The following ERICH1 variants were observed in gnomAD, a reference collection of about 807,000 sequenced individuals.
ERICH1 encodes the protein glutamate rich 1.
ERICH1 carries 56 observed loss-of-function variants against 39.6 expected under a neutral mutation model. The ratio of observed to expected loss-of-function variants is 1.41; its 90% CI spans 1.14 to 1.77. ERICH1 has a LOEUF of 1.77. ERICH1 is among the 40% of genes most tolerant of loss of function. ERICH1 has a pLI of 0.00. For synonymous variants in ERICH1, 313 were observed against 223.6 expected (o/e 1.40, Z -3.57); for missense variants, 826 against 575.4 (o/e 1.44, Z -4.45).
At chr8:632,971 C>G (rs1798139299) in intron 3 of ERICH1, among the ~76,000 whole-genome samples, 1 of 152,216 alleles carries the variant, frequency 6.6e-6, no homozygotes, top group Non-Finnish European at 1.5e-5. Context: ...TCAGCAGTGC[C>G]AGACAAAGAT....
chr8:653,065 A>G (rs1177645582), intron 3 of ERICH1, among the ~76,000 whole-genome samples: 1 of 152,244 alleles, frequency 6.6e-6, no homozygotes, highest in African/African-American at 2.4e-5. Context: ...TGAAACCCAG[A>G]TTTAATTACC....
At chr8:730,761 G>A (rs1445275253) in intron 1 of ERICH1, among the ~76,000 whole-genome samples, 2 of 152,208 alleles carry the variant, frequency 1.3e-5, no homozygotes, top group Admixed American at 1.3e-4. Context: ...GCCGGAGCCG[G>A]CTGCAGCCCC....
At chr8:626,802 T>C (rs903593242) in intron 3 of ERICH1, 1 of 219,852 alleles carries the variant, frequency 4.5e-6, no homozygotes, top group South Asian at 7.1e-5. Context: ...TTTTTTATAT[T>C]TGCTGATTTA....
rs1396504388 is a variant in ERICH1 at position 649,009 on chromosome 8, T to C, written c.976+19589A>G. On this transcript the variant is annotated intron_variant, in intron 3 of 3. Coordinates refer to the ERICH1 transcript ENST00000522706. ...TAGTTCCAGTGGGTGTGTTCAGGGATATTTGCATACTAGTGCAAATATGTT... is the reference window on the plus strand; with the variant it reads ...TAGTTCCAGTGGGTGTGTTCAGGGACATTTGCATACTAGTGCAAATATGTT... Among the ~76,000 whole-genome samples the C allele has an allele frequency of 7.2e-5, 5 of 69,212 alleles. 2 individuals carry two copies. The highest frequency in any genetic ancestry group is 1.8e-4 in the African/African-American group (5 of 27,446). 45.4% of individuals were successfully genotyped at this position (69,212 alleles called of 152,430 possible). A position where few individuals can be genotyped will look rare whatever the true frequency, so the allele number is the denominator to read the frequency against.
intron 2 of ERICH1, among the ~76,000 whole-genome samples, chr8:708,687 T>TTTTTTTGTTTTTG: frequency 2.0e-5 from 1 of 51,098 alleles, no homozygotes; most frequent in South Asian, 8.3e-4. Context: ...ATGAGTTTTT[T>TTTTTTTGTTTTTG]TTTTTTTTTT....
intron 2 of ERICH1, among the ~76,000 whole-genome samples, chr8:710,581 T>G (rs1317786369): frequency 1.3e-5 from 2 of 152,282 alleles, no homozygotes; most frequent in East Asian, 3.8e-4. Flanking sequence ...TTTTGGGGTC[T>G]CCTCAGTTTT....
chr8:691,530 C>A (rs1429275470), intron 3 of ERICH1, among the ~76,000 whole-genome samples: 1 of 152,238 alleles, frequency 6.6e-6, no homozygotes, highest in Non-Finnish European at 1.5e-5. Flanking sequence ...CCTTCTTGGA[C>A]AGATTAAGTA....
chr8:668,162 T>C (rs1406028924), intron 5 of ERICH1: 1 of 257,488 alleles, frequency 3.9e-6, no homozygotes, highest in East Asian at 1.0e-4. Flanking sequence ...ACACAACAGT[T>C]TGCATGAAAA....
At chr8:654,348 A>G (rs938770279) in intron 3 of ERICH1, among the ~76,000 whole-genome samples, 2 of 152,126 alleles carry the variant, frequency 1.3e-5, no homozygotes, top group Non-Finnish European at 2.9e-5. Flanking sequence ...ATGGCCAGGA[A>G]GCTCCTTCAG....
intron 2 of ERICH1, among the ~76,000 whole-genome samples, chr8:704,568 C>G (rs1333280963): frequency 1.3e-5 from 2 of 152,086 alleles, no homozygotes; most frequent in Non-Finnish European, 2.9e-5. Context: ...TGTGACTCAG[C>G]AAGAAACGGT....
intron 1 of ERICH1, chr8:725,203 G>T: frequency 5.2e-6 from 1 of 194,008 alleles, no homozygotes; most frequent in Non-Finnish European, 1.1e-5. Context: ...GTCCCCTCCG[G>T]CTTCCGTGCC....
At chr8:663,068 C>A (rs1478339566), downstream of ERICH1, among the ~76,000 whole-genome samples, 1 of 152,254 alleles carries the variant, frequency 6.6e-6, no homozygotes, top group Non-Finnish European at 1.5e-5. Flanking sequence ...CCAGGGCCTA[C>A]AACCTGCATC....
Position 673,547 on chromosome 8 carries a change from C to G in ERICH1, c.805G>C (p.Ala269Pro), listed in dbSNP as rs142833649. The change falls in exon 4 of 6, where the codon GCC becomes CCC. Residue 269 changes from alanine (A) to proline (P), a missense_variant. By Grantham distance (27) the Ala-to-Pro change is conservative. Coordinates refer to ENST00000262109, the MANE Select transcript of ERICH1 (RefSeq NM_207332.3). Reference protein sequence around the residue: ...TPAGEEDVKDAREEDGVDTIE... With the variant: ...TPAGEEDVKDPREEDGVDTIE... Reference sequence around the variant, plus strand: ...GTGTCCACACCGTCCTCCTCCCTGGCGTCTTTAACGTCTTCCTCCCCGGCC... The same window carrying G: ...GTGTCCACACCGTCCTCCTCCCTGGGGTCTTTAACGTCTTCCTCCCCGGCC... 179 of 1,607,564 alleles carry G rather than the reference C, an allele frequency of 1.1e-4. No individual in the cohort carries two copies. In the Middle Eastern group the frequency reaches 2.3e-3, roughly 21 times the overall value.
At chr8:706,956 T>C (rs1813420020) in intron 2 of ERICH1, among the ~76,000 whole-genome samples, 1 of 152,056 alleles carries the variant, frequency 6.6e-6, no homozygotes, top group African/African-American at 2.4e-5. Flanking sequence ...CCATCAAAAT[T>C]TCAAATGATT....
downstream of ERICH1, among the ~76,000 whole-genome samples, chr8:661,777 G>A (rs569439172): frequency 1.3e-5 from 2 of 152,342 alleles, no homozygotes; most frequent in African/African-American, 2.4e-5. Context: ...CCACCTGCTC[G>A]ACTGTACCTC....
intron 3 of ERICH1, among the ~76,000 whole-genome samples, chr8:624,666 A>C (rs1797495208): frequency 6.6e-6 from 1 of 152,138 alleles, no homozygotes; most frequent in South Asian, 2.1e-4. Context: ...TGGCTGGAGC[A>C]GGAGGAAGAG....
At chr8:710,598 CCA>C (rs1356044419) in intron 2 of ERICH1, among the ~76,000 whole-genome samples, 1 of 152,246 alleles carries the variant, frequency 6.6e-6, no homozygotes, top group Non-Finnish European at 1.5e-5. Context: ...TTTTGCTTTT[CCA>C]CAGTGTTACA....
intron 2 of ERICH1, among the ~76,000 whole-genome samples, chr8:713,999 C>G (rs1198155807): frequency 2.1e-5 from 3 of 143,444 alleles, no homozygotes; most frequent in African/African-American, 5.4e-5. Context: ...TGCACCCAGG[C>G]GGCCTCTTCC....
intron 5 of ERICH1, 128 bp from the exon 6 acceptor site, chr8:664,804 T>C (rs537193581): frequency 6.5e-5 from 44 of 674,456 alleles, no homozygotes; most frequent in African/African-American, 6.3e-4. Flanking sequence ...AAATGCAACT[T>C]TGGCATGAAA....
Sources: gnomAD v4.1 joint callset for allele counts (sites outside exome capture counted in the v4.1 genomes callset) on GRCh38, gnomAD v4.1.1 for gene constraint, MANE v1.5 for transcripts, NCBI Gene and HGNC (gene_info 2026-07-23, HGNC 2026-07-21) for gene names.